The following PDZD2 variants were observed in gnomAD, a reference collection of about 807,000 sequenced individuals.
PDZD2 encodes PDZ domain containing 2.
Under a neutral mutation model 220.7 loss-of-function variants are expected in PDZD2, and 90 were observed. The ratio of observed to expected loss-of-function variants is 0.41; its 90% CI spans 0.34 to 0.49. PDZD2 has a LOEUF of 0.49. Ranked by LOEUF, PDZD2 falls within the 20% of genes least tolerant of loss-of-function variation. The pLI is 0.28. For missense variants in PDZD2, 3,174 were observed against 3,608.5 expected (o/e 0.88, Z 3.08); for synonymous variants, 1,375 against 1,450.5 (o/e 0.95, Z 1.18).
At chr5:31,672,553 C>T (rs564192299) in intron 1 of PDZD2, among the ~76,000 whole-genome samples, 132 of 152,350 alleles carry the variant, frequency 8.7e-4, no homozygotes, top group Admixed American at 1.6e-3. Context: ...GCTAGCCTTC[C>T]TTTCAAAAGC....
chr5:31,721,905 T>C (rs1748825032), intron 1 of PDZD2, among the ~76,000 whole-genome samples: 1 of 152,222 alleles, frequency 6.6e-6, no homozygotes, highest in South Asian at 2.1e-4. Context: ...CTCCTCTGGA[T>C]TTCCTCATCT....
chr5:31,642,996 C>T (rs1267545348), intron 1 of PDZD2, among the ~76,000 whole-genome samples: 1 of 152,176 alleles, frequency 6.6e-6, no homozygotes, highest in Non-Finnish European at 1.5e-5. Context: ...CAGAGAACTT[C>T]CTGCTGGGCC....
At chr5:31,659,983 A>G (rs1745698694) in intron 1 of PDZD2, among the ~76,000 whole-genome samples, 2 of 152,180 alleles carry the variant, frequency 1.3e-5, no homozygotes, top group Non-Finnish European at 2.9e-5. Context: ...GCCCTATCGA[A>G]TTGAGAAGAA....
intron 2 of PDZD2, among the ~76,000 whole-genome samples, chr5:31,854,514 G>T (rs935666277): frequency 2.0e-5 from 3 of 152,168 alleles, no homozygotes; most frequent in African/African-American, 7.2e-5. Flanking sequence ...ATTTTAGCTG[G>T]GGGCTCCACC....
At chr5:32,075,558 T>A (rs1220049639) in intron 18 of PDZD2, among the ~76,000 whole-genome samples, 1 of 152,246 alleles carries the variant, frequency 6.6e-6, no homozygotes, top group Non-Finnish European at 1.5e-5. Context: ...ATGTACCACA[T>A]TAAATGCAAG....
At chr5:32,034,216 C>A (rs534832256) in intron 6 of PDZD2, among the ~76,000 whole-genome samples, 2 of 152,136 alleles carry the variant, frequency 1.3e-5, no homozygotes, top group South Asian at 2.1e-4. Context: ...GACTTTCCAA[C>A]GTTTGGGACC....
chr5:31,920,519 A>C (rs1254573748), intron 2 of PDZD2, among the ~76,000 whole-genome samples: 8 of 41,156 alleles, frequency 1.9e-4, no homozygotes, highest in African/African-American at 9.4e-4. Context: ...AAAAAAAAAA[A>C]AAAAAGTCCA....
Position 31,951,711 on chromosome 5 carries a change from G to A in PDZD2, c.477-31444G>A, listed in dbSNP as rs76129432. Among the ~76,000 whole-genome samples the A allele has an allele frequency of 1.7e-4, 26 of 152,218 alleles. No homozygotes were observed. The South Asian group carries it at 1.9e-3, about 11-fold the overall frequency. Reference sequence around the variant, plus strand: ...GTGCTGTTACATCAGGTAGAAGTTCGCGTAGTGTCTCATGAAAGAGAGGTT... The same window carrying A: ...GTGCTGTTACATCAGGTAGAAGTTCACGTAGTGTCTCATGAAAGAGAGGTT... On this transcript the variant is annotated intron_variant, in intron 2 of 24. Coordinates refer to ENST00000438447, the MANE Select transcript of PDZD2 (RefSeq NM_178140.4).
intron 2 of PDZD2, among the ~76,000 whole-genome samples, chr5:31,920,233 A>G (rs545077058): frequency 3.3e-5 from 5 of 152,184 alleles, no homozygotes; most frequent in African/African-American, 1.2e-4. Context: ...ATAGTGGGCT[A>G]TGAGCGCGCC....
intron 2 of PDZD2, among the ~76,000 whole-genome samples, chr5:31,924,443 G>T (rs1165938393): frequency 6.6e-6 from 1 of 152,168 alleles, no homozygotes; most frequent in African/African-American, 2.4e-5. Context: ...CAGCTTTGAG[G>T]CTTTCCTGAA....
chr5:31,689,353 ATTTTTTTT>A (rs1160111594), intron 1 of PDZD2, among the ~76,000 whole-genome samples: 2 of 35,142 alleles, frequency 5.7e-5, no homozygotes, highest in Non-Finnish European at 8.4e-5. Flanking sequence ...ATATATATAT[ATTTTTTTT>A]TTTTTTTTTT....
At chr5:31,900,848 G>GGT (rs1742031748) in intron 2 of PDZD2, among the ~76,000 whole-genome samples, 1 of 152,098 alleles carries the variant, frequency 6.6e-6, no homozygotes, top group South Asian at 2.1e-4. Flanking sequence ...GGTTTCTGTG[G>GGT]GTGTGTGTGA....
chr5:32,096,248 G>C (rs1282538900), intron 21 of PDZD2, among the ~76,000 whole-genome samples: 5 of 152,094 alleles, frequency 3.3e-5, no homozygotes, highest in Admixed American at 2.0e-4. Flanking sequence ...TATGGTTGAA[G>C]GTGCCCATGA....
intron 2 of PDZD2, among the ~76,000 whole-genome samples, chr5:31,909,780 A>C (rs1218801388): frequency 6.6e-6 from 1 of 152,204 alleles, no homozygotes; most frequent in African/African-American, 2.4e-5. Flanking sequence ...TTATGAAGCA[A>C]ATTTATTCAA....
intron 1 of PDZD2, among the ~76,000 whole-genome samples, chr5:31,775,499 C>A (rs1165275038): frequency 6.6e-6 from 1 of 152,120 alleles, no homozygotes; most frequent in African/African-American, 2.4e-5. Flanking sequence ...TTTCCCTTGG[C>A]CTTTCTGATG....
chr5:32,011,697 C>A (rs949157618), intron 6 of PDZD2, among the ~76,000 whole-genome samples: 2 of 152,096 alleles, frequency 1.3e-5, no homozygotes, highest in African/African-American at 4.8e-5. Context: ...TAGGTAAGCA[C>A]TGGAAAATCA....
At chr5:31,731,219 G>T (rs929254917) in intron 1 of PDZD2, among the ~76,000 whole-genome samples, 10 of 152,144 alleles carry the variant, frequency 6.6e-5, no homozygotes, top group Non-Finnish European at 1.5e-4. Context: ...AACGGCTGTG[G>T]TTAAGAGGTT....
chr5:32,005,131 CA>C (rs1272745016), intron 5 of PDZD2, among the ~76,000 whole-genome samples: 4 of 152,326 alleles, frequency 2.6e-5, no homozygotes, highest in African/African-American at 9.6e-5. Context: ...CCAACAAGAG[CA>C]AGTAATCCAC....
Position 31,639,485 on chromosome 5 carries a change from C to T in PDZD2, c.-361+48C>T, listed in dbSNP as rs997827622. 1 of 151,966 alleles carries T rather than the reference C, an allele frequency of 6.6e-6. No homozygotes were observed. Among genetic ancestry groups the T allele is most frequent in the Non-Finnish European group, 1.5e-5 (1 of 67,956 alleles). The allele number at this position is 151,966 out of a possible 1,614,324, so 9.4% of individuals were successfully genotyped here. A position where few individuals can be genotyped will look rare whatever the true frequency, so the allele number is the denominator to read the frequency against. ...GCCGGGACGCGCGGCTCCGGGTGGG[C>T]AGGGGATGGGGGAGGCCCGGCACCC... On this transcript the variant is annotated intron_variant, in intron 1 of 24. Transcript: ENST00000438447. This position sits in a 1 kb window ranked among gnomAD's most constrained non-coding sequence, Gnocchi z 4.1.
Sources: allele counts gnomAD v4.1 joint callset (sites outside exome capture counted in the v4.1 genomes callset), GRCh38; gene constraint gnomAD v4.1.1; non-coding constraint Gnocchi (gnomAD v3.1); transcripts MANE v1.5; gene names NCBI Gene and HGNC (gene_info 2026-07-23, HGNC 2026-07-21).